The following CSMD1 variants were observed in gnomAD, a reference collection of about 807,000 sequenced individuals.
CSMD1 encodes the protein CUB and Sushi multiple domains 1.
A neutral mutation model predicts 417.5 loss-of-function variants in CSMD1; 213 were observed. That is an observed-to-expected ratio of 0.51 (90% CI 0.46 to 0.57). The LOEUF (loss-of-function observed/expected upper bound fraction) is 0.57. Ranked by LOEUF, CSMD1 falls within the 20% of genes least tolerant of loss-of-function variation. The pLI, the probability that CSMD1 is intolerant of heterozygous loss-of-function variation, is 0.00. For missense variants in CSMD1, 6,923 were observed against 4,529.7 expected, an observed-to-expected ratio of 1.53 and a Z score of -15.17; for synonymous variants, 2,862 against 1,736.8, an observed-to-expected ratio of 1.65 and a Z score of -16.11.
chr8:3,383,572 T>A (rs1040717368), intron 18 of CSMD1, among the ~76,000 whole-genome samples: 6 of 152,180 alleles, frequency 3.9e-5, no homozygotes, highest in Admixed American at 6.5e-5. Context: ...CAGTGAAATA[T>A]GGGACTATCT....
chr8:4,950,918 T>A (rs775576438), intron 1 of CSMD1, among the ~76,000 whole-genome samples: 1 of 152,100 alleles, frequency 6.6e-6, no homozygotes, highest in Non-Finnish European at 1.5e-5. Context: ...AAAGTACCAT[T>A]CTTGACAAAT....
At chr8:3,403,631 G>A (rs1407339323) in intron 15 of CSMD1, among the ~76,000 whole-genome samples, 1 of 152,178 alleles carries the variant, frequency 6.6e-6, no homozygotes, top group Non-Finnish European at 1.5e-5. Context: ...AGGACATAAG[G>A]CACAGCTTGA....
At chr8:4,217,850 G>C (rs930332009) in intron 3 of CSMD1, among the ~76,000 whole-genome samples, 6 of 152,246 alleles carry the variant, frequency 3.9e-5, no homozygotes, top group Admixed American at 6.5e-5. Context: ...AAGAAAATGT[G>C]AAAAGGTGAG....
intron 2 of CSMD1, among the ~76,000 whole-genome samples, chr8:4,455,195 T>C (rs968215735): frequency 5.4e-5 from 8 of 149,428 alleles, no homozygotes; most frequent in African/African-American, 1.7e-4. Context: ...ACAAAAGCTA[T>C]GACTCTCTTT....
chr8:4,802,352 CGTGTGT>C (rs34030430), intron 1 of CSMD1, among the ~76,000 whole-genome samples: 58 of 146,406 alleles, frequency 4.0e-4, no homozygotes, highest in Non-Finnish European at 6.0e-4. Flanking sequence ...TGTGTGCGCG[CGTGTGT>C]GTGTGTGTGT....
intron 3 of CSMD1, among the ~76,000 whole-genome samples, chr8:4,151,851 C>T (rs915168368): frequency 6.6e-6 from 1 of 152,092 alleles, no homozygotes; most frequent in South Asian, 2.1e-4. Context: ...AATTATATTT[C>T]CATGTACCTT....
intron 50 of CSMD1, among the ~76,000 whole-genome samples, chr8:3,035,804 T>C (rs1284890280): frequency 3.9e-5 from 6 of 152,244 alleles, no homozygotes; most frequent in Non-Finnish European, 5.9e-5. Context: ...ATGACAGACA[T>C]TGTTCAACTT....
At chr8:2,949,904 C>T (rs1020874407) in intron 67 of CSMD1, among the ~76,000 whole-genome samples, 8 of 152,198 alleles carry the variant, frequency 5.3e-5, no homozygotes, top group South Asian at 2.1e-4. Context: ...GGTTATCAAG[C>T]GGTCTTGGAA....
rs190528894 is a variant in CSMD1 at position 4,079,977 on chromosome 8, T to A, written c.416-47878A>T. On this transcript the variant is annotated intron_variant, in intron 3 of 69. Coordinates refer to ENST00000635120, the MANE Select transcript of CSMD1 (RefSeq NM_033225.6). ...ATAATATAAAAAATAATTTAAAGATTAAGAAAATTATGTTCGAATATTGGT... is the reference window on the plus strand; with the variant it reads ...ATAATATAAAAAATAATTTAAAGATAAAGAAAATTATGTTCGAATATTGGT... 2.7e-4 allele frequency among the ~76,000 whole-genome samples: 41 copies of A among 151,688 alleles called. 1 individual carries two copies. In the Middle Eastern group the frequency reaches 0.014, roughly 51 times the overall value.
intron 1 of CSMD1, among the ~76,000 whole-genome samples, chr8:4,842,236 G>A (rs989563307): frequency 6.6e-6 from 1 of 152,088 alleles, no homozygotes; most frequent in Non-Finnish European, 1.5e-5. Context: ...AGGGAACCAG[G>A]GAAGTCAAAG....
At chr8:4,450,280 A>G (rs1408259204) in intron 2 of CSMD1, among the ~76,000 whole-genome samples, 4 of 152,204 alleles carry the variant, frequency 2.6e-5, no homozygotes, top group Admixed American at 2.0e-4. Context: ...ACAACATGGG[A>G]GAAAGCTGTG....
At chr8:3,512,094 C>G (rs1425509778) in intron 10 of CSMD1, among the ~76,000 whole-genome samples, 2 of 152,072 alleles carry the variant, frequency 1.3e-5, no homozygotes, top group Non-Finnish European at 2.9e-5. Context: ...GTGATTTGAC[C>G]TCCTCATATT....
At position 4,863,373 on chromosome 8, in the gene CSMD1, T is replaced by C. The variant is rs1183296636; in HGVS notation, c.85+130959A>G. ...AGTCCTTGGCCAACATTATTATGAA[T>C]GCAAGCCTTAAGTAAAGAGAATGCC... On this transcript the variant is annotated intron_variant, in intron 1 of 69. Transcript: ENST00000635120. Among the ~76,000 whole-genome samples the C allele has an allele frequency of 5.9e-5, 9 of 152,208 alleles. No homozygotes were observed. The South Asian group carries it at 1.9e-3, about 32-fold the overall frequency.
At chr8:4,768,146 C>G (rs1812595552) in intron 1 of CSMD1, among the ~76,000 whole-genome samples, 1 of 152,058 alleles carries the variant, frequency 6.6e-6, no homozygotes, top group African/African-American at 2.4e-5. Flanking sequence ...TTTTGGAAAA[C>G]AAAACTAGTG....
In CSMD1 at chr8:3,671,548, CATATATATGATCATATATAT is replaced by C. The variant is rs1799055938; in HGVS notation, c.1009+36846_1009+36865del. 2.1e-3 allele frequency among the ~76,000 whole-genome samples: 6 copies of C among 2,898 alleles called. 1 individual carries two copies. Among genetic ancestry groups the C allele is most frequent in the African/African-American group, 3.1e-3 (2 of 636 alleles). The allele number at this position is 2,898 out of a possible 152,430, so 1.9% of individuals were successfully genotyped here. On this transcript the variant is annotated intron_variant, in intron 7 of 69. Transcript: ENST00000635120. ...ATGATCATATATATATATATATGAT[CATATATATGATCATATATAT>C]ATATATATATATATATATATATATA...
At chr8:3,256,065 C>A (rs372838644) in intron 26 of CSMD1, among the ~76,000 whole-genome samples, 1 of 152,120 alleles carries the variant, frequency 6.6e-6, no homozygotes, top group African/African-American at 2.4e-5. Flanking sequence ...AGGTGGCTCA[C>A]ACCTGTAATC....
intron 3 of CSMD1, among the ~76,000 whole-genome samples, chr8:4,336,524 G>A (rs1040511083): frequency 2.0e-5 from 3 of 152,172 alleles, no homozygotes; most frequent in Non-Finnish European, 4.4e-5. Flanking sequence ...CCAATAACGT[G>A]TTCGATGAAT....
At chr8:4,283,255 A>G (rs1796889301) in intron 3 of CSMD1, among the ~76,000 whole-genome samples, 2 of 150,886 alleles carry the variant, frequency 1.3e-5, no homozygotes, top group South Asian at 4.2e-4. Context: ...AACAGTTTAG[A>G]TGAAGACTTT....
At chr8:3,951,875 A>G (rs2554513) in intron 5 of CSMD1, among the ~76,000 whole-genome samples, 32,056 of 151,916 alleles carry the variant, frequency 0.21, 3,796 homozygotes, top group Admixed American at 0.32. Flanking sequence ...ACATTAAACT[A>G]CATAAGCTAT....
Sources: allele counts gnomAD v4.1 joint callset (sites outside exome capture counted in the v4.1 genomes callset), GRCh38; gene constraint gnomAD v4.1.1; transcripts MANE v1.5; gene names NCBI Gene and HGNC (gene_info 2026-07-23, HGNC 2026-07-21).